The following MLLT1 variants were observed in gnomAD, a reference collection of about 807,000 sequenced individuals.
The protein encoded by MLLT1 is MLLT1 super elongation complex subunit, also known as protein ENL.
In MLLT1, 11 loss-of-function variants were observed where a neutral mutation model predicts 55.1. The observed-to-expected ratio is 0.20, with a 90% CI of 0.13 to 0.33. The LOEUF (loss-of-function observed/expected upper bound fraction) is 0.33. Ranked by LOEUF, MLLT1 falls within the 10% of genes least tolerant of loss-of-function variation. MLLT1 has a pLI of 1.00. For synonymous variants in MLLT1, 323 were observed against 320.1 expected (o/e 1.01, Z -0.10); for missense variants, 536 against 760.6 (o/e 0.70, Z 3.47).
chr19:6,274,130 G>C (rs1178973735), intron 1 of MLLT1, among the ~76,000 whole-genome samples: 1 of 152,266 alleles, frequency 6.6e-6, no homozygotes, highest in Non-Finnish European at 1.5e-5. Context: ...TTGGCCAACA[G>C]ATGCGAAGTT....
intron 1 of MLLT1, among the ~76,000 whole-genome samples, chr19:6,272,010 C>G (rs1462653562): frequency 6.6e-6 from 1 of 152,264 alleles, no homozygotes; most frequent in East Asian, 1.9e-4. Context: ...GGCTTCCCTC[C>G]CTCTCCGTCC....
rs752022755 is a variant in MLLT1, at chr19:6,229,305, C to A, written c.420+1265G>T. ...GGCACTGCCCTCCCCGGATCAGAAC[C>A]ACAAGCAGGGCTTCACAAGGATCAC... On this transcript the variant is annotated intron_variant, in intron 4 of 11. Transcript: ENST00000252674. This position sits in a 1 kb window ranked among gnomAD's most constrained non-coding sequence, Gnocchi z 5.2. Among the ~76,000 whole-genome samples the A allele has an allele frequency of 8.7e-4, 132 of 152,278 alleles. No individual in the cohort carries two copies. The highest frequency in any genetic ancestry group is 1.6e-3 in the Non-Finnish European group (107 of 68,018).
In MLLT1 at chr19:6,219,377, C is replaced by T. The variant is rs113287989; in HGVS notation, c.1111-1336G>A. On this transcript the variant is annotated intron_variant, in intron 6 of 11. Transcript: ENST00000252674. This position sits in a 1 kb window ranked among gnomAD's most constrained non-coding sequence, Gnocchi z 4.5. Reference sequence around the variant, plus strand: ...CTGCCCACTCAGGCTACCTGAGTCCCGGACACATACCCCAGAGCGTCCAGG... The same window carrying T: ...CTGCCCACTCAGGCTACCTGAGTCCTGGACACATACCCCAGAGCGTCCAGG... Among the ~76,000 whole-genome samples, 12,501 of 152,230 alleles carry T rather than the reference C, an allele frequency of 0.082. 598 individuals are homozygous for T. Among genetic ancestry groups the T allele is most frequent in the Non-Finnish European group, 0.11 (7,368 of 68,006 alleles).
chr19:6,220,135 G>C (rs1291701785), intron 6 of MLLT1, among the ~76,000 whole-genome samples: 1 of 152,228 alleles, frequency 6.6e-6, no homozygotes, highest in African/African-American at 2.4e-5. Flanking sequence ...GGTGGGCGTG[G>C]GCCAGACCCC....
chr19:6,217,245 C>T (rs527307568), intron 7 of MLLT1, among the ~76,000 whole-genome samples: 5 of 152,258 alleles, frequency 3.3e-5, no homozygotes, highest in Admixed American at 6.5e-5. Flanking sequence ...TCCACAACCC[C>T]GCACACTCCT....
chr19:6,257,548 C>T (rs917642375), intron 3 of MLLT1, among the ~76,000 whole-genome samples: 4 of 152,204 alleles, frequency 2.6e-5, no homozygotes, highest in African/African-American at 9.7e-5. Flanking sequence ...CGCCTGTAAT[C>T]CCAGCACTTT....
chr19:6,221,317 T>C (rs1600174601), intron 6 of MLLT1, among the ~76,000 whole-genome samples: 1 of 152,148 alleles, frequency 6.6e-6, no homozygotes, highest in African/African-American at 2.4e-5. Flanking sequence ...TGCCAGATAA[T>C]AGCGCTGGAA....
At chr19:6,234,701 C>G (rs1014419814) in intron 3 of MLLT1, among the ~76,000 whole-genome samples, 6 of 152,144 alleles carry the variant, frequency 3.9e-5, no homozygotes, top group Non-Finnish European at 8.8e-5. Context: ...CTGAGTGCCA[C>G]TGCATGTCCA....
At chr19:6,243,971 G>C (rs776922931) in intron 3 of MLLT1, among the ~76,000 whole-genome samples, 11 of 150,368 alleles carry the variant, frequency 7.3e-5, no homozygotes, top group Non-Finnish European at 1.5e-4. Context: ...GTGAACCCAG[G>C]AGGCAGGGCT....
intron 3 of MLLT1, among the ~76,000 whole-genome samples, chr19:6,234,037 G>A (rs1022274245): frequency 1.3e-5 from 2 of 151,782 alleles, no homozygotes; most frequent in Non-Finnish European, 2.9e-5. Flanking sequence ...AGGGGGGATG[G>A]TCCAGCAGCA....
chr19:6,226,736 T>C lies in MLLT1; in HGVS notation c.546+241A>G, dbSNP rs991976355. On this transcript the variant is annotated intron_variant, in intron 5 of 11. Transcript: ENST00000252674. The surrounding 1 kb of genome is among the most constrained non-coding windows in gnomAD (Gnocchi z 6.3). ...ATCACTTGGCAGAACGGGAGAGGAC[T>C]AGGCAGGGTCTCTGGCCTCAAGATG... 1.3e-5 allele frequency among the ~76,000 whole-genome samples: 2 copies of C among 152,136 alleles called. No individual in the cohort carries two copies. Among genetic ancestry groups the C allele is most frequent in the Non-Finnish European group, 2.9e-5 (2 of 68,028 alleles).
At chr19:6,261,970 T>G (rs918090798) in intron 3 of MLLT1, among the ~76,000 whole-genome samples, 1 of 152,126 alleles carries the variant, frequency 6.6e-6, no homozygotes, top group African/African-American at 2.4e-5. Context: ...TCTAGGCAAC[T>G]GGACAGGAGG....
intron 3 of MLLT1, among the ~76,000 whole-genome samples, chr19:6,250,368 A>G (rs1004629817): frequency 6.6e-5 from 10 of 152,214 alleles, no homozygotes; most frequent in African/African-American, 1.9e-4. Context: ...CACTCCCTCA[A>G]AGAAATTAAA....
chr19:6,257,789 A>C (rs2091270671), intron 3 of MLLT1, among the ~76,000 whole-genome samples: 1 of 152,238 alleles, frequency 6.6e-6, no homozygotes, highest in South Asian at 2.1e-4. Flanking sequence ...CAAAAGAGTG[A>C]GACTCCATCT....
At chr19:6,245,687 G>A (rs1377731375) in intron 3 of MLLT1, among the ~76,000 whole-genome samples, 1 of 151,746 alleles carries the variant, frequency 6.6e-6, no homozygotes, top group South Asian at 2.1e-4. Context: ...CTCCAGCCTC[G>A]GCGACAGAGC....
At position 6,231,131 on chromosome 19, in the gene MLLT1, G is replaced by C. The variant is rs1378778067; in HGVS notation, c.277-418C>G. The stretch of plus-strand genomic sequence containing the variant: ...ATTCCCCACTTCCTTTGCAGCCAGG[G>C]CCAAGCCCGACAGACGCAGGACACA... On this transcript the variant is annotated intron_variant, in intron 3 of 11. Coordinates refer to ENST00000252674, the MANE Select transcript of MLLT1 (RefSeq NM_005934.4). The surrounding 1 kb of genome is among the most constrained non-coding windows in gnomAD (Gnocchi z 5.1). 6.6e-6 allele frequency among the ~76,000 whole-genome samples: 1 copy of C among 152,156 alleles called. No individual in the cohort carries two copies. Among genetic ancestry groups the C allele is most frequent in the African/African-American group, 2.4e-5 (1 of 41,428 alleles).
intron 3 of MLLT1, among the ~76,000 whole-genome samples, chr19:6,247,173 C>T (rs537649467): frequency 6.6e-6 from 1 of 152,186 alleles, no homozygotes; most frequent in East Asian, 1.9e-4. Flanking sequence ...AGATACAGAA[C>T]TAAACACAGA....
chr19:6,212,592 C>G lies in MLLT1; in HGVS notation c.*450G>C, dbSNP rs749033338. The G allele has an allele frequency of 1.9e-5, 21 of 1,092,110 alleles. No individual in the cohort carries two copies. Among genetic ancestry groups the G allele is most frequent in the Middle Eastern group, 4.0e-4 (1 of 2,518 alleles). 67.7% of individuals were successfully genotyped at this position (1,092,110 alleles called of 1,614,324 possible). ...GACGACGCAGACACACAGGCAGGGCCTTCTGAGGTCCAGGGTGGGCGGAGG... is the reference window on the plus strand; with the variant it reads ...GACGACGCAGACACACAGGCAGGGCGTTCTGAGGTCCAGGGTGGGCGGAGG... On this transcript the variant is annotated 3_prime_UTR_variant, in exon 12 of 12. Coordinates refer to ENST00000252674, the MANE Select transcript of MLLT1 (RefSeq NM_005934.4).
chr19:6,211,802 C>T lies in MLLT1; in HGVS notation c.*1240G>A. ...AGCGTCCTGGCCCTGGAAGAGTGGG[C>T]CGGGAAGGAGGACCGGCTTGGCCCC... On this transcript the variant is annotated 3_prime_UTR_variant, in exon 12 of 12. Coordinates refer to ENST00000252674, the MANE Select transcript of MLLT1 (RefSeq NM_005934.4). This position sits in a 1 kb window ranked among gnomAD's most constrained non-coding sequence, Gnocchi z 4.6. 1 of 1,064,090 alleles carries T rather than the reference C, an allele frequency of 9.4e-7. No homozygotes were observed. The highest frequency in any genetic ancestry group is 1.1e-6 in the Non-Finnish European group (1 of 878,482). 65.9% of individuals were successfully genotyped at this position (1,064,090 alleles called of 1,614,324 possible).
Sources: allele counts gnomAD v4.1 joint callset (sites outside exome capture counted in the v4.1 genomes callset), GRCh38; gene constraint gnomAD v4.1.1; non-coding constraint Gnocchi (gnomAD v3.1); transcripts MANE v1.5; gene names NCBI Gene and HGNC (gene_info 2026-07-23, HGNC 2026-07-21).